RBPJ: variants seen among roughly 807,000 people sequenced by gnomAD.
RBPJ encodes recombination signal binding protein for immunoglobulin kappa J region, also known as recombining binding protein suppressor of hairless.
In RBPJ, 9 loss-of-function variants were observed where a neutral mutation model predicts 67.8. That is an observed-to-expected ratio of 0.13 (90% CI 0.08 to 0.23). The LOEUF is 0.23. Among genes scored for constraint, RBPJ ranks in the 10% least tolerant of loss-of-function variants. RBPJ has a pLI of 1.00. For missense variants in RBPJ, 305 were observed against 595.6 expected, an observed-to-expected ratio of 0.51 and a Z score of 5.08; for synonymous variants, 198 against 203.3, an observed-to-expected ratio of 0.97 and a Z score of 0.22.
chr4:26,365,776 C>T (rs1471248362), intron 1 of RBPJ, among the ~76,000 whole-genome samples: 1 of 152,164 alleles, frequency 6.6e-6, no homozygotes, highest in African/African-American at 2.4e-5. Context: ...TTTCAAGGGT[C>T]CTCCTACCAT....
At chr4:26,367,475 A>G (rs1728751479) in intron 1 of RBPJ, among the ~76,000 whole-genome samples, 1 of 152,244 alleles carries the variant, frequency 6.6e-6, no homozygotes, top group Non-Finnish European at 1.5e-5. Context: ...TGTCTCAAAA[A>G]AATAAAAAAT....
chr4:26,114,859 G>C, the RBPJ span, among the ~76,000 whole-genome samples: 1 of 152,136 alleles, frequency 6.6e-6, no homozygotes, highest in African/African-American at 2.4e-5. Flanking sequence ...TTGTGAGGCA[G>C]TTATTAAACA....
intron 2 of RBPJ, among the ~76,000 whole-genome samples, chr4:26,401,048 T>A (rs1204021196): frequency 1.3e-5 from 2 of 152,250 alleles, no homozygotes; most frequent in Admixed American, 6.5e-5. Flanking sequence ...CCATTTTCCC[T>A]CCCTCTGCAT....
rs369569682 is a variant in RBPJ, at chr4:26,386,382, G to A, written c.50G>A (p.Arg17Gln). The A allele has an allele frequency of 5.6e-6, 9 of 1,595,116 alleles. No homozygotes were observed. The highest frequency in any genetic ancestry group is 3.4e-5 in the Admixed American group (2 of 58,154). ...TTTGGTGAGCGGCCTCCACCTAAAC[G>A]ACTTACTAGGTGAGTATTATATTAG... ...GKFGERPPPK[R>Q]LTREAMRNYL... is the part of the protein sequence containing the mutation. Residue 17 changes from arginine (R) to glutamine (Q), a missense_variant, in exon 2 of 11, where the codon CGA becomes CAA. Physicochemically the swap from Arg to Gln is conservative, Grantham distance 43. Around this residue, in one of 7 missense-constraint regions of RBPJ, gnomAD observed 42 missense variants for 43.6 expected, o/e 0.96. Transcript: ENST00000355476.
At chr4:26,374,292 T>C (rs1297172571) in intron 1 of RBPJ, among the ~76,000 whole-genome samples, 1 of 152,102 alleles carries the variant, frequency 6.6e-6, no homozygotes, top group Non-Finnish European at 1.5e-5. Flanking sequence ...AAGGAAAAAT[T>C]TACTCTTTAC....
chr4:26,145,712 T>C, the RBPJ span, among the ~76,000 whole-genome samples: 4 of 152,264 alleles, frequency 2.6e-5, no homozygotes, highest in African/African-American at 7.2e-5. Context: ...GGCAAATCAA[T>C]GGAGAAAAGG....
the RBPJ span, among the ~76,000 whole-genome samples, chr4:26,122,045 A>G: frequency 6.6e-6 from 1 of 152,114 alleles, no homozygotes; most frequent in Non-Finnish European, 1.5e-5. Flanking sequence ...TCAGGCATAA[A>G]CTTTGACCCA....
At chr4:26,365,074 T>G (rs1321804620) in intron 1 of RBPJ, among the ~76,000 whole-genome samples, 1 of 150,546 alleles carries the variant, frequency 6.6e-6, no homozygotes, top group East Asian at 1.9e-4. Flanking sequence ...AGCATATTGT[T>G]ATATAATTAT....
intron 1 of RBPJ, among the ~76,000 whole-genome samples, chr4:26,339,795 G>A (rs574103939): frequency 9.2e-5 from 14 of 151,838 alleles, no homozygotes; most frequent in African/African-American, 1.9e-4. Flanking sequence ...CAAGGTGGGC[G>A]GATCACCTGA....
In RBPJ at chr4:26,292,402, CT is replaced by C. The variant is rs200598882; in HGVS notation, c.-166-70035del. ...TGTTGCAAATGGCAAAATTTCCTCA[CT>C]TTTTTTTTATGACTGAATAATATAT... On this transcript the variant is annotated intron_variant, in intron 1 of 4. Transcript: ENST00000512351. Among the ~76,000 whole-genome samples, 10 of 149,340 alleles carry C rather than the reference CT, an allele frequency of 6.7e-5. 1 individual carries two copies. Among genetic ancestry groups the C allele is most frequent in the South Asian group, 2.1e-4 (1 of 4,730 alleles).
intron 1 of RBPJ, among the ~76,000 whole-genome samples, chr4:26,246,814 A>T (rs908884499): frequency 9.2e-5 from 14 of 152,106 alleles, no homozygotes; most frequent in African/African-American, 3.4e-4. Context: ...AAAAAAATGG[A>T]ACAGCTCAGG....
At chr4:26,218,467 A>C (rs1302523888) in intron 1 of RBPJ, among the ~76,000 whole-genome samples, 1 of 152,096 alleles carries the variant, frequency 6.6e-6, no homozygotes, top group Non-Finnish European at 1.5e-5. Context: ...TAATCCCCAA[A>C]GCACTAAAGT....
chr4:26,268,649 G>T (rs2109259458), intron 1 of RBPJ, among the ~76,000 whole-genome samples: 1 of 152,096 alleles, frequency 6.6e-6, no homozygotes, highest in East Asian at 1.9e-4. Context: ...TTGTCAAACA[G>T]CTGGAAGCAA....
intron 1 of RBPJ, among the ~76,000 whole-genome samples, chr4:26,262,951 A>G (rs997923116): frequency 6.6e-6 from 1 of 152,134 alleles, no homozygotes; most frequent in African/African-American, 2.4e-5. Context: ...GCTACATGTC[A>G]TCTGGCTCCA....
chr4:26,198,648 A>T (rs1041344382), intron 1 of RBPJ, among the ~76,000 whole-genome samples: 2 of 152,236 alleles, frequency 1.3e-5, no homozygotes, highest in Non-Finnish European at 2.9e-5. Flanking sequence ...AGATGAGAAA[A>T]CTAAGGCACA....
chr4:26,363,083 T>C (rs1214314482), intron 1 of RBPJ, among the ~76,000 whole-genome samples: 1 of 152,186 alleles, frequency 6.6e-6, no homozygotes, highest in Non-Finnish European at 1.5e-5. Flanking sequence ...TTTAGTACAG[T>C]TTTTTTCTTT....
upstream of RBPJ, chr4:26,320,507 TTGAA>T (rs1560262129): frequency 2.1e-6 from 1 of 475,010 alleles, no homozygotes; most frequent in African/African-American, 2.0e-5. Flanking sequence ...CAGGGAACGT[TTGAA>T]TGAATGAAAA....
the RBPJ span, among the ~76,000 whole-genome samples, chr4:26,139,468 G>C: frequency 6.6e-6 from 1 of 152,188 alleles, no homozygotes; most frequent in Non-Finnish European, 1.5e-5. Context: ...AGTGGCATGC[G>C]GGCTCCCAGC....
the RBPJ span, among the ~76,000 whole-genome samples, chr4:26,114,425 C>G: frequency 1.4e-5 from 2 of 146,878 alleles, no homozygotes; most frequent in Admixed American, 1.4e-4. Context: ...CCACTGTACT[C>G]CAGCCCAGGC....
Sources: gnomAD v4.1 joint callset for allele counts (sites outside exome capture counted in the v4.1 genomes callset) on GRCh38, gnomAD v4.1.1 for gene constraint, gnomAD v4.1.1 regional missense constraint, MANE v1.5 for transcripts, NCBI Gene and HGNC (gene_info 2026-07-23, HGNC 2026-07-21) for gene names.